The following LRP1B variants were observed in gnomAD, a reference collection of about 807,000 sequenced individuals.
LRP1B encodes the protein LDL receptor related protein 1B, also known as low-density lipoprotein receptor-related protein 1B.
LRP1B carries 217 observed loss-of-function variants against 556.6 expected under a neutral mutation model. That is an observed-to-expected ratio of 0.39 (90% CI 0.35 to 0.44). LRP1B has a LOEUF of 0.44. Ranked by LOEUF, LRP1B falls within the 20% of genes least tolerant of loss-of-function variation. The pLI is 1.00. For synonymous variants in LRP1B, 2,047 were observed against 1,865.8 expected (o/e 1.10, Z -2.50); for missense variants, 5,053 against 5,620.8 (o/e 0.90, Z 3.23).
chr2:140,706,957 G>T (rs561742390), intron 37 of LRP1B, among the ~76,000 whole-genome samples: 2 of 152,142 alleles, frequency 1.3e-5, no homozygotes, highest in Admixed American at 1.3e-4. Context: ...TGTGTGAGAA[G>T]GGTAATGGAG....
chr2:141,345,437 C>T (rs932244697), intron 3 of LRP1B, among the ~76,000 whole-genome samples: 2 of 151,878 alleles, frequency 1.3e-5, no homozygotes, highest in Non-Finnish European at 2.9e-5. Flanking sequence ...ATTTTCATTC[C>T]TCATGCTAGG....
intron 18 of LRP1B, among the ~76,000 whole-genome samples, chr2:140,980,148 T>A (rs1032128377): frequency 6.6e-6 from 1 of 151,896 alleles, no homozygotes; most frequent in Non-Finnish European, 1.5e-5. Flanking sequence ...CTAATAGAAG[T>A]TCTTTAATGA....
chr2:141,757,447 G>A (rs1035851145), intron 2 of LRP1B, among the ~76,000 whole-genome samples: 2 of 152,102 alleles, frequency 1.3e-5, no homozygotes, highest in African/African-American at 4.8e-5. Context: ...GCACACTAAT[G>A]TTTGAGTAAT....
chr2:141,910,063 A>G (rs1405620278), intron 1 of LRP1B, among the ~76,000 whole-genome samples: 2 of 148,570 alleles, frequency 1.3e-5, no homozygotes, highest in Non-Finnish European at 3.0e-5. Context: ...AAGACTAAAT[A>G]TTTAAAATAT....
At chr2:141,157,851 C>A (rs924523459) in intron 7 of LRP1B, among the ~76,000 whole-genome samples, 4 of 152,134 alleles carry the variant, frequency 2.6e-5, no homozygotes, top group Admixed American at 2.6e-4. Flanking sequence ...TTAAAACCCT[C>A]ATTGGTGTAA....
intron 18 of LRP1B, among the ~76,000 whole-genome samples, chr2:140,963,344 C>T (rs1382622626): frequency 1.3e-5 from 2 of 151,978 alleles, no homozygotes; most frequent in Non-Finnish European, 2.9e-5. Flanking sequence ...CATAAATCTA[C>T]AGTTAAACCA....
chr2:140,553,160 C>T (rs2105056068), intron 43 of LRP1B, among the ~76,000 whole-genome samples: 1 of 151,992 alleles, frequency 6.6e-6, no homozygotes, highest in Admixed American at 6.6e-5. Flanking sequence ...CAGCTTGGTC[C>T]CTGCCATGGC....
rs758816891 is a variant in LRP1B at position 140,514,648 on chromosome 2, C to T, written c.8269+5G>A. ...CTGATTGAGGACAGAAGATACACAA[C>T]TTACCACAAATGCTGTCACTTTCAT... On this transcript the variant is annotated splice_donor_5th_base_variant and intron_variant, in intron 51 of 90. Transcript: ENST00000389484. 6 of 1,607,940 alleles carry T rather than the reference C, an allele frequency of 3.7e-6. No homozygotes were observed. The highest frequency in any genetic ancestry group is 5.1e-6 in the Non-Finnish European group (6 of 1,176,338).
At chr2:142,052,827 TG>T (rs1359861728) in intron 1 of LRP1B, among the ~76,000 whole-genome samples, 1 of 152,166 alleles carries the variant, frequency 6.6e-6, no homozygotes, top group Non-Finnish European at 1.5e-5. Context: ...TCAATACATT[TG>T]TTGATGAGAA....
intron 3 of LRP1B, among the ~76,000 whole-genome samples, chr2:141,295,451 C>T (rs1451194376): frequency 6.6e-6 from 1 of 151,982 alleles, no homozygotes; most frequent in Non-Finnish European, 1.5e-5. Flanking sequence ...TTTAATGAAT[C>T]TCAATTTAGG....
At chr2:141,183,283 C>T (rs1681090658) in intron 7 of LRP1B, among the ~76,000 whole-genome samples, 1 of 152,024 alleles carries the variant, frequency 6.6e-6, no homozygotes, top group African/African-American at 2.4e-5. Flanking sequence ...GATCTCATTA[C>T]AAAACCTTTT....
At chr2:141,063,567 C>T (rs895782541) in intron 7 of LRP1B, among the ~76,000 whole-genome samples, 1 of 151,814 alleles carries the variant, frequency 6.6e-6, no homozygotes, top group African/African-American at 2.4e-5. Context: ...GCACACCCTG[C>T]ATTCTCATTG....
At position 140,994,105 on chromosome 2, in the gene LRP1B, C is replaced by T. The variant is rs774587349; in HGVS notation, c.2534G>A (p.Cys845Tyr). Residue 845 changes from cysteine (C) to tyrosine (Y), a missense_variant, in exon 16 of 91, where the codon TGT becomes TAT. Transcript: ENST00000389484. The stretch of plus-strand genomic sequence containing the variant: ...TTTGCAGCGAAACTCTCCAGCTTTA[C>T]ATATGTGAGGTAGTGCTTCTCCAGG... ...FNPGEALPHI[C>Y]KAGEFRCKNR... 6.2e-7 allele frequency: 1 copy of T among 1,612,552 alleles called. No homozygotes were observed.
chr2:142,105,053 T>C (rs1706698283), intron 1 of LRP1B, among the ~76,000 whole-genome samples: 1 of 152,154 alleles, frequency 6.6e-6, no homozygotes, highest in Admixed American at 6.6e-5. Flanking sequence ...CAGCACTTGT[T>C]GGCAAACACT....
intron 18 of LRP1B, among the ~76,000 whole-genome samples, chr2:140,974,829 G>C (rs963885086): frequency 3.3e-5 from 5 of 152,208 alleles, no homozygotes; most frequent in Non-Finnish European, 7.3e-5. Context: ...CTTCTGGAGA[G>C]ACCAGTGGAC....
intron 66 of LRP1B, among the ~76,000 whole-genome samples, chr2:140,431,587 GTAAA>G (rs1178388110): frequency 2.6e-5 from 4 of 152,140 alleles, no homozygotes; most frequent in African/African-American, 7.2e-5. Context: ...AACTCTTAAA[GTAAA>G]TAAATAATCT....
At chr2:141,046,609 G>A (rs1462575039) in intron 11 of LRP1B, among the ~76,000 whole-genome samples, 1 of 152,094 alleles carries the variant, frequency 6.6e-6, no homozygotes, top group South Asian at 2.1e-4. Flanking sequence ...ATGCCTGGCG[G>A]TCATTGTGGC....
At chr2:140,472,303 T>C (rs1465374000) in intron 60 of LRP1B, among the ~76,000 whole-genome samples, 1 of 152,136 alleles carries the variant, frequency 6.6e-6, no homozygotes, top group Admixed American at 6.5e-5. Context: ...CTAATGAAGA[T>C]GTAATTTAAA....
chr2:141,548,797 CA>C (rs1246941367), intron 2 of LRP1B, among the ~76,000 whole-genome samples: 6 of 152,166 alleles, frequency 3.9e-5, no homozygotes, highest in African/African-American at 1.4e-4. Context: ...ATAAGACATC[CA>C]GTATTTATGT....
Sources: gnomAD v4.1 joint callset for allele counts (sites outside exome capture counted in the v4.1 genomes callset) on GRCh38, gnomAD v4.1.1 for gene constraint, MANE v1.5 for transcripts, NCBI Gene and HGNC (gene_info 2026-07-23, HGNC 2026-07-21) for gene names.